The following KCNG2 variants were observed in gnomAD, a reference collection of about 807,000 sequenced individuals.
KCNG2 encodes the protein potassium voltage-gated channel modifier subfamily G member 2.
In KCNG2, 7 loss-of-function variants were observed where a neutral mutation model predicts 12.3. The ratio of observed to expected loss-of-function variants is 0.57; its 90% CI spans 0.32 to 1.07. KCNG2 has a LOEUF of 1.07. Among genes scored for constraint, KCNG2 ranks in the 50% least tolerant of loss-of-function variants. The pLI, the probability that KCNG2 is intolerant of heterozygous loss-of-function variation, is 0.04. For synonymous variants in KCNG2, 414 were observed against 351.4 expected (o/e 1.18, Z -1.99); for missense variants, 703 against 726.0 (o/e 0.97, Z 0.36).
chr18:79,811,211 A>C (rs1208140793), intron 1 of KCNG2, among the ~76,000 whole-genome samples: 1 of 152,260 alleles, frequency 6.6e-6, no homozygotes, highest in African/African-American at 2.4e-5. Flanking sequence ...GACTTTTTGC[A>C]GAAATGGACA....
At chr18:79,851,608 G>C (rs1037900561) in intron 1 of KCNG2, among the ~76,000 whole-genome samples, 1 of 135,878 alleles carries the variant, frequency 7.4e-6, no homozygotes, top group African/African-American at 2.5e-5. Context: ...GCATGTGCGG[G>C]TGTGTGAGAG....
Position 79,829,183 on chromosome 18 carries a change from T to C in KCNG2, c.-114-27196T>C, listed in dbSNP as rs556418576. Among the ~76,000 whole-genome samples, 212 of 150,544 alleles carry C rather than the reference T, an allele frequency of 1.4e-3. 3 individuals carry two copies. The highest frequency in any genetic ancestry group is 4.8e-3 in the African/African-American group (194 of 40,266). ...GTGTGTGTAACATGTCCATGATGTG[T>C]GCATGTGTCTGTGTGTGGGTGTCTA... On this transcript the variant is annotated intron_variant, in intron 1 of 3. Transcript: ENST00000316249.
intron 3 of KCNG2, among the ~76,000 whole-genome samples, chr18:79,890,815 G>A (rs1980718442): frequency 6.6e-6 from 1 of 152,140 alleles, no homozygotes. Flanking sequence ...TCTGTGAATG[G>A]ATCCATTTTA....
At chr18:79,860,353 G>C (rs1431097908) in intron 2 of KCNG2, among the ~76,000 whole-genome samples, 3 of 152,188 alleles carry the variant, frequency 2.0e-5, no homozygotes, top group Admixed American at 6.5e-5. Context: ...TGACTCTGTT[G>C]ATCAATTTAG....
chr18:79,874,347 A>C (rs566202323), intron 3 of KCNG2, among the ~76,000 whole-genome samples: 1 of 152,364 alleles, frequency 6.6e-6, no homozygotes, highest in African/African-American at 2.4e-5. Context: ...TTCTGTGTCT[A>C]TCAGGAGCAG....
chr18:79,895,138 T>TA (rs1980915666), intron 3 of KCNG2, among the ~76,000 whole-genome samples: 1 of 152,038 alleles, frequency 6.6e-6, no homozygotes, highest in East Asian at 1.9e-4. Flanking sequence ...CATCTAATGG[T>TA]ACAATTGATA....
Position 79,899,351 on chromosome 18 carries a change from C to T in KCNG2, c.936C>T (p.Gly312=). ...ACTCGCTGGGGCTGCGTTCGCTGGGCCTGACCATGCGCCGCTGCGCGCGCG... is the reference window on the plus strand; with the variant it reads ...ACTCGCTGGGGCTGCGTTCGCTGGGTCTGACCATGCGCCGCTGCGCGCGCG... The part of the protein sequence containing the change: ...ARHSLGLRSL[G]LTMRRCAREF... The change falls in exon 4 of 4, where the codon GGC becomes GGT. Residue 312 remains glycine, a synonymous_variant. Transcript: ENST00000316249. 6.4e-7 allele frequency: 1 copy of T among 1,555,678 alleles called. No individual in the cohort carries two copies. The highest frequency in any genetic ancestry group is 8.6e-7 in the Non-Finnish European group (1 of 1,157,908).
At position 79,865,724 on chromosome 18, in the gene KCNG2, C is replaced by G. The variant is rs1979480115; in HGVS notation, c.624+1433C>G. 2.9e-5 allele frequency among the ~76,000 whole-genome samples: 3 copies of G among 104,602 alleles called. 1 individual carries two copies. The highest frequency in any genetic ancestry group is 4.0e-5 in the Non-Finnish European group (2 of 50,182). 68.6% of individuals were successfully genotyped at this position (104,602 alleles called of 152,430 possible). On this transcript the variant is annotated intron_variant, in intron 3 of 3. Coordinates refer to ENST00000316249, the MANE Select transcript of KCNG2 (RefSeq NM_012283.2). ...TGCTGAGGCCTGGGTGCTGAGAGGT[C>G]TGTGTTCTGAGGTCTGGGTGCTGAG...
intron 3 of KCNG2, among the ~76,000 whole-genome samples, chr18:79,881,080 C>T (rs943407805): frequency 6.6e-6 from 1 of 152,232 alleles, no homozygotes; most frequent in Non-Finnish European, 1.5e-5. Context: ...TCCTCTTCAG[C>T]ACCTGTTGGC....
intron 3 of KCNG2, among the ~76,000 whole-genome samples, chr18:79,890,802 T>C (rs994888282): frequency 6.6e-6 from 1 of 152,216 alleles, no homozygotes; most frequent in Non-Finnish European, 1.5e-5. Context: ...TGTAGTTTGT[T>C]TTTCTGTGAA....
chr18:79,822,435 CT>C lies in KCNG2; in HGVS notation c.-115+24426del, dbSNP rs1165880045. On this transcript the variant is annotated intron_variant, in intron 1 of 3. Coordinates refer to ENST00000316249, the MANE Select transcript of KCNG2 (RefSeq NM_012283.2). This position sits in a 1 kb window ranked among gnomAD's most constrained non-coding sequence, Gnocchi z 4.4. ...GTTTTTGTTTTTCACAATATTGATA[CT>C]TTTTAAAGTTATTATTTTTTTGAGA... 6.6e-6 allele frequency among the ~76,000 whole-genome samples: 1 copy of C among 152,102 alleles called. No homozygotes were observed. The highest frequency in any genetic ancestry group is 2.4e-5 in the African/African-American group (1 of 41,414).
chr18:79,837,120 C>T (rs1978334979), intron 1 of KCNG2, among the ~76,000 whole-genome samples: 1 of 152,192 alleles, frequency 6.6e-6, no homozygotes, highest in East Asian at 1.9e-4. Context: ...GGTAAATGCT[C>T]CCATTCCAAA....
chr18:79,834,596 A>G (rs1052218009), intron 1 of KCNG2, among the ~76,000 whole-genome samples: 12 of 152,210 alleles, frequency 7.9e-5, no homozygotes, highest in Admixed American at 3.9e-4. Flanking sequence ...CAAACAAACA[A>G]ACAGCTGGTG....
intron 1 of KCNG2, among the ~76,000 whole-genome samples, chr18:79,821,182 A>C (rs1420061484): frequency 6.6e-6 from 1 of 152,156 alleles, no homozygotes; most frequent in East Asian, 1.9e-4. Context: ...TCATTTAAGC[A>C]ACCATTGCCA....
At chr18:79,806,294 G>A (rs59378413) in intron 1 of KCNG2, among the ~76,000 whole-genome samples, 4,659 of 152,304 alleles carry the variant, frequency 0.031, 267 homozygotes, top group African/African-American at 0.11. Context: ...AGGCAAGGCC[G>A]CTGTGTCGGG....
intron 3 of KCNG2, among the ~76,000 whole-genome samples, chr18:79,868,960 A>T (rs1979719300): frequency 6.6e-6 from 1 of 152,156 alleles, no homozygotes; most frequent in South Asian, 2.1e-4. Flanking sequence ...ACAGAATGTG[A>T]GCTCTCTGAT....
chr18:79,817,438 G>C (rs544813842), intron 1 of KCNG2, among the ~76,000 whole-genome samples: 27 of 152,224 alleles, frequency 1.8e-4, no homozygotes, highest in African/African-American at 6.5e-4. Context: ...GTGTCACATG[G>C]CTGTCACATG....
At chr18:79,840,654 T>G (rs1978431408) in intron 1 of KCNG2, among the ~76,000 whole-genome samples, 1 of 152,122 alleles carries the variant, frequency 6.6e-6, no homozygotes, top group African/African-American at 2.4e-5. Context: ...AAAAGAAGAA[T>G]AAAGTGGGGA....
intron 3 of KCNG2, among the ~76,000 whole-genome samples, chr18:79,871,772 G>T (rs1028707546): frequency 1.3e-5 from 2 of 152,238 alleles, no homozygotes; most frequent in East Asian, 3.9e-4. Context: ...CGGTGCAGAG[G>T]GGCCGGCATC....
Sources: gnomAD v4.1 joint callset for allele counts (sites outside exome capture counted in the v4.1 genomes callset) on GRCh38, gnomAD v4.1.1 for gene constraint, Gnocchi (gnomAD v3.1) non-coding constraint, MANE v1.5 for transcripts, NCBI Gene and HGNC (gene_info 2026-07-23, HGNC 2026-07-21) for gene names.